SETD9: variants seen among roughly 807,000 people sequenced by gnomAD.
The protein encoded by SETD9 is SET domain-containing protein 9.
SETD9 carries 37 observed loss-of-function variants against 36.4 expected under a neutral mutation model. The observed-to-expected ratio is 1.02, with a 90% confidence interval of 0.78 to 1.34. SETD9 has a LOEUF of 1.34. Among genes scored for constraint, SETD9 ranks in the 40% most tolerant of loss-of-function variants. The probability of loss-of-function intolerance (pLI) is 0.00; values close to 1 mark genes in which losing one functional copy is unlikely to be tolerated. For missense variants in SETD9, 323 were observed against 353.2 expected, an observed-to-expected ratio of 0.91 and a Z score of 0.69; for synonymous variants, 128 against 132.9, an observed-to-expected ratio of 0.96 and a Z score of 0.26.
chr5:56,920,371 A>C (rs1266444249), downstream of SETD9: 2 of 152,554 alleles, frequency 1.3e-5, no homozygotes, highest in African/African-American at 4.8e-5. Context: ...TTCCCTGTAC[A>C]TAAAAGATAT....
At chr5:56,909,888 G>A in intron 1 of SETD9, 145 bp downstream of exon 1, 1 of 769,356 alleles carries the variant, frequency 1.3e-6, no homozygotes, top group Non-Finnish European at 1.9e-6. Context: ...GAGGTGGGCG[G>A]GCCGGGTGGG....
chr5:56,921,851 T>C (rs563501473), downstream of SETD9: 7 of 152,782 alleles, frequency 4.6e-5, no homozygotes, highest in South Asian at 1.4e-3. Context: ...ACATATTGTT[T>C]GATTCACCTT....
intron 2 of SETD9, chr5:56,912,309 A>G: frequency 1.2e-6 from 1 of 806,734 alleles, no homozygotes; most frequent in Non-Finnish European, 1.5e-6. Flanking sequence ...TAAATAGACT[A>G]CGTTATGTGT....
intron 5 of SETD9, chr5:56,923,705 G>T: frequency 6.2e-7 from 1 of 1,614,196 alleles, no homozygotes; most frequent in Non-Finnish European, 8.5e-7. Flanking sequence ...CAAGTCACTG[G>T]CAGTGAAGGA....
chr5:56,916,808 T>C lies in SETD9; in HGVS notation c.813-7T>C, dbSNP rs1749451261. 1 of 1,599,592 alleles carries C rather than the reference T, an allele frequency of 6.3e-7. No homozygotes were observed. Among genetic ancestry groups the C allele is most frequent in the East Asian group, 2.3e-5 (1 of 44,274 alleles). On this transcript the variant is annotated splice_polypyrimidine_tract_variant and splice_region_variant and intron_variant, in intron 5 of 5. Coordinates refer to ENST00000285947, the MANE Select transcript of SETD9 (RefSeq NM_153706.4). Reference sequence around the variant, plus strand: ...GCTCTACCTTTTGTATATCTTTTTGTTTTCAGCCCACTTCGATGTGTTGTT... The same window carrying C: ...GCTCTACCTTTTGTATATCTTTTTGCTTTCAGCCCACTTCGATGTGTTGTT...
At chr5:56,917,523 A>G (rs1749485457), downstream of SETD9, among the ~76,000 whole-genome samples, 1 of 152,198 alleles carries the variant, frequency 6.6e-6, no homozygotes, top group Non-Finnish European at 1.5e-5. Flanking sequence ...TCATGTCTTC[A>G]TGTGGAGGGC....
chr5:56,911,557 A>C (rs758423467), intron 2 of SETD9, 21 bp downstream of exon 2: 2 of 1,503,286 alleles, frequency 1.3e-6, no homozygotes, highest in Admixed American at 4.8e-5. Flanking sequence ...GATTAATATT[A>C]TACTTTGCCA....
downstream of SETD9, chr5:56,921,238 G>A (rs1475588017): frequency 6.6e-6 from 1 of 152,518 alleles, no homozygotes; most frequent in Non-Finnish European, 1.5e-5. Flanking sequence ...AACAATGGAA[G>A]ATTATGGCCA....
downstream of SETD9, among the ~76,000 whole-genome samples, chr5:56,925,752 A>G (rs1247916396): frequency 6.6e-6 from 1 of 152,124 alleles, no homozygotes; most frequent in African/African-American, 2.4e-5. Flanking sequence ...CAACAAACTA[A>G]TTTTATATGG....
intron 3 of SETD9, 140 bp downstream of exon 3, chr5:56,913,274 G>C: frequency 9.8e-7 from 1 of 1,018,090 alleles, no homozygotes; most frequent in Non-Finnish European, 1.4e-6. Context: ...GGCTGGTTTT[G>C]AACTCCTGGC....
upstream of SETD9, chr5:56,909,539 A>C: frequency 6.4e-6 from 5 of 776,134 alleles, no homozygotes; most frequent in South Asian, 8.1e-5. Context: ...GAGCGGAGCC[A>C]GGGGAAGGCG....
intron 4 of SETD9, among the ~76,000 whole-genome samples, chr5:56,914,542 A>G (rs529396452): frequency 6.6e-6 from 1 of 152,342 alleles, no homozygotes; most frequent in Non-Finnish European, 1.5e-5. Flanking sequence ...ACAATAAAAC[A>G]TACATATATG....
chr5:56,914,639 ATG>A (rs1749333678), intron 4 of SETD9, among the ~76,000 whole-genome samples: 4 of 152,094 alleles, frequency 2.6e-5, no homozygotes, highest in African/African-American at 7.2e-5. Context: ...TGTTTTATAT[ATG>A]TCTTTTTGAA....
At chr5:56,923,917 A>C (rs1334004229) in intron 5 of SETD9, 1 of 1,614,082 alleles carries the variant, frequency 6.2e-7, no homozygotes, top group South Asian at 1.1e-5. Flanking sequence ...GTACTTACGT[A>C]ACTCCAGGGT....
chr5:56,917,061 AT>A lies in SETD9; in HGVS notation c.*162del. On this transcript the variant is annotated 3_prime_UTR_variant, in exon 6 of 6. Coordinates refer to ENST00000285947, the MANE Select transcript of SETD9 (RefSeq NM_153706.4). ...TTGTTGATATTATATTTATGTTCCA[AT>A]TTCATGATAAAAGCTACTTGCTTCA... The A allele has an allele frequency of 7.7e-7, 1 of 1,306,594 alleles. No individual in the cohort carries two copies. The highest frequency in any genetic ancestry group is 9.7e-7 in the Non-Finnish European group (1 of 1,032,848). The allele number at this position is 1,306,594 out of a possible 1,614,324, so 80.9% of individuals were successfully genotyped here.
chr5:56,928,251 A>G (rs1750095909), downstream of SETD9: 1 of 152,300 alleles, frequency 6.6e-6, no homozygotes, highest in African/African-American at 2.4e-5. Context: ...CGGTAAGAGT[A>G]TGGTTGGTAT....
At chr5:56,916,106 T>C (rs1749410488) in intron 5 of SETD9, among the ~76,000 whole-genome samples, 1 of 151,928 alleles carries the variant, frequency 6.6e-6, no homozygotes, top group Non-Finnish European at 1.5e-5. Context: ...TATGTAACAA[T>C]ATCTAGGCTG....
At chr5:56,915,994 A>G (rs949950440) in intron 5 of SETD9, among the ~76,000 whole-genome samples, 2 of 152,006 alleles carry the variant, frequency 1.3e-5, no homozygotes, top group Non-Finnish European at 2.9e-5. Flanking sequence ...CAAAAACTTG[A>G]TAACTTTTGC....
chr5:56,923,529 C>A, intron 5 of SETD9: 1 of 1,614,128 alleles, frequency 6.2e-7, no homozygotes, highest in Non-Finnish European at 8.5e-7. Context: ...GGAAAGCTAT[C>A]ATCCAAACAA....
Sources: gnomAD v4.1 joint callset for allele counts (sites outside exome capture counted in the v4.1 genomes callset) on GRCh38, gnomAD v4.1.1 for gene constraint, MANE v1.5 for transcripts, NCBI Gene and HGNC (gene_info 2026-07-23, HGNC 2026-07-21) for gene names.